TECTA: variants seen among roughly 807,000 people sequenced by gnomAD.
The protein encoded by TECTA is alpha-tectorin.
Under a neutral mutation model 216.8 loss-of-function variants are expected in TECTA, and 128 were observed. The observed-to-expected ratio is 0.59, with a 90% CI of 0.51 to 0.68. The LOEUF is 0.68. Ranked by LOEUF, TECTA falls within the 30% of genes least tolerant of loss-of-function variation. The probability of loss-of-function intolerance (pLI) is 0.00; values close to 1 mark genes in which losing one functional copy is unlikely to be tolerated. For missense variants in TECTA, 2,551 were observed against 2,786.2 expected (o/e 0.92, Z 1.90); for synonymous variants, 1,089 against 1,117.1 (o/e 0.97, Z 0.50).
chr11:121,122,420 G>A (rs1049483314), intron 7 of TECTA, among the ~76,000 whole-genome samples: 2 of 152,118 alleles, frequency 1.3e-5, no homozygotes, highest in South Asian at 2.1e-4. Flanking sequence ...CCAGAACTGT[G>A]AGAAATAAAT....
Position 121,105,870 on chromosome 11 carries a change from A to C in TECTA, c.104A>C (p.Asp35Ala), listed in dbSNP as rs1591434716. 1 of 1,614,218 alleles carries C rather than the reference A, an allele frequency of 6.2e-7. No homozygotes were observed. Residue 35 changes from aspartate to alanine, a missense_variant, in exon 3 of 24, where the codon GAC (aspartate) becomes GCC (alanine). Asp to Ala is a moderately radical substitution (Grantham distance 126). Around this residue, in one of 3 missense-constraint regions of TECTA, gnomAD observed 2,375 missense variants for 2,563.9 expected, o/e 0.93. Coordinates refer to ENST00000392793, the MANE Select transcript of TECTA (RefSeq NM_005422.4). The surrounding 1 kb of genome is among the most constrained non-coding windows in gnomAD (Gnocchi z 5.3). ...RELMYPFWQN[D>A]TKTPKVDDGS... is the part of the protein sequence containing the mutation. Reference sequence around the variant, plus strand: ...CTCATGTATCCATTTTGGCAGAATGACACCAAAACCCCTAAAGTAGATGAT... The same window carrying C: ...CTCATGTATCCATTTTGGCAGAATGCCACCAAAACCCCTAAAGTAGATGAT...
Position 121,181,514 on chromosome 11 carries a change from T to A in TECTA, c.6000-6318T>A, listed in dbSNP as rs540034247. ...AATGGAGTTTTGCTCTTGTTGCCCA[T>A]GCTGGAGTGCAATGGCGCAATCTCA... is the stretch of plus-strand genomic sequence containing the variant. On this transcript the variant is annotated intron_variant, in intron 20 of 23. Coordinates refer to ENST00000392793, the MANE Select transcript of TECTA (RefSeq NM_005422.4). Among the ~76,000 whole-genome samples, 19 of 151,906 alleles carry A rather than the reference T, an allele frequency of 1.3e-4. No individual in the cohort carries two copies. The East Asian group carries it at 3.7e-3, about 29-fold the overall frequency.
rs778157765 is a variant in TECTA at position 121,102,627 on chromosome 11, C to T, written c.-1-38C>T. 2.1e-5 allele frequency: 32 copies of T among 1,552,876 alleles called. No homozygotes were observed. The African/African-American group carries it at 4.2e-4, about 20-fold the overall frequency. ...CTGGTGTTCTGTTTACTCTGGCAAG[C>T]TGGGGATTTTTTTTTCATTTTCTTT... is the stretch of plus-strand genomic sequence containing the variant. On this transcript the variant is annotated intron_variant, in intron 1 of 23. Coordinates refer to ENST00000392793, the MANE Select transcript of TECTA (RefSeq NM_005422.4).
intron 9 of TECTA, among the ~76,000 whole-genome samples, chr11:121,129,235 G>T (rs1331677332): frequency 6.6e-6 from 1 of 152,212 alleles, no homozygotes; most frequent in Non-Finnish European, 1.5e-5. Flanking sequence ...TGCCCTCGAG[G>T]AGCTGGGACA....
intron 4 of TECTA, among the ~76,000 whole-genome samples, chr11:121,112,488 C>CA (rs1271142362): frequency 6.6e-6 from 1 of 152,244 alleles, no homozygotes; most frequent in Non-Finnish European, 1.5e-5. Context: ...AAGTGATGCA[C>CA]AAATGCTCAA....
chr11:121,165,325 C>G lies in TECTA; in HGVS notation c.5325C>G (p.Cys1775Trp). ...CVGADCPNRTCELGNGRELCG... is the reference protein window; with the variant it reads ...CVGADCPNRTWELGNGRELCG... ...GGGCGGACTGTCCCAACCGAACTTG[C>G]GAGCTGGGCAATGGCAGGGAGCTGT... The change falls in exon 17 of 24, where the codon TGC becomes TGG. Residue 1775 changes from cysteine (C) to tryptophan (W), a missense_variant. Cys to Trp is a radical substitution (Grantham distance 215). Around this residue, in one of 3 missense-constraint regions of TECTA, gnomAD observed 2,375 missense variants for 2,563.9 expected, o/e 0.93. Transcript: ENST00000392793. 1.2e-6 allele frequency: 2 copies of G among 1,608,568 alleles called. No individual in the cohort carries two copies. The highest frequency in any genetic ancestry group is 3.4e-5 in the Admixed American group (2 of 59,412).
chr11:121,154,635 G>A (rs1946923984), intron 13 of TECTA, among the ~76,000 whole-genome samples: 1 of 152,202 alleles, frequency 6.6e-6, no homozygotes, highest in Non-Finnish European at 1.5e-5. Flanking sequence ...ATAATTCAAT[G>A]AAACCTGGGT....
At position 121,113,341 on chromosome 11, in the gene TECTA, T is replaced by C; in HGVS notation, c.624+132T>C. 1.3e-6 allele frequency: 2 copies of C among 1,537,616 alleles called. No individual in the cohort carries two copies. Among genetic ancestry groups the C allele is most frequent in the Non-Finnish European group, 1.8e-6 (2 of 1,124,316 alleles). On this transcript the variant is annotated intron_variant, in intron 5 of 23. Transcript: ENST00000392793. This position sits in a 1 kb window ranked among gnomAD's most constrained non-coding sequence, Gnocchi z 4.2. ...CGCAGGTCTGATCTCGCAGGTGGAC[T>C]ACGAGGCTAGTCCTGCCCATGTTTG... is the stretch of plus-strand genomic sequence containing the variant.
At position 121,160,297 on chromosome 11, in the gene TECTA, G is replaced by A; in HGVS notation, c.4852G>A (p.Val1618Met). ...CATCAGCGAGAGGCTGCAGAACAAA[G>A]TGTGCGGTCTCTGTGGCAACTTCAA... ...ISISERLQNK[V>M]CGLCGNFNGD... The change falls in exon 15 of 24, where the codon GTG becomes ATG. Residue 1618 changes from valine (V) to methionine (M), a missense_variant. By Grantham distance (21) the Val-to-Met change is conservative. Transcript: ENST00000392793. 5 of 1,614,238 alleles carry A rather than the reference G, an allele frequency of 3.1e-6. 1 individual carries two copies. The Middle Eastern group carries it at 8.2e-4, about 266-fold the overall frequency.
chr11:121,160,065 G>T, intron 14 of TECTA, 70 bp from the exon 15 acceptor site: 1 of 1,601,812 alleles, frequency 6.2e-7, no homozygotes, highest in Non-Finnish European at 8.5e-7. Flanking sequence ...ATTTTCCCTG[G>T]CCCTTTCCTG....
chr11:121,115,113 C>G (rs1946488804), intron 6 of TECTA, among the ~76,000 whole-genome samples: 1 of 140,576 alleles, frequency 7.1e-6, no homozygotes, highest in Non-Finnish European at 1.5e-5. Flanking sequence ...ACCCATTCAC[C>G]CACTCATCCA....
At chr11:121,163,870 G>A (rs1947025967) in intron 16 of TECTA, among the ~76,000 whole-genome samples, 1 of 152,170 alleles carries the variant, frequency 6.6e-6, no homozygotes, top group Admixed American at 6.5e-5. Flanking sequence ...ACTTTCGCTT[G>A]GTGGCTGTTA....
At chr11:121,111,495 A>G (rs1278242059) in intron 4 of TECTA, among the ~76,000 whole-genome samples, 1 of 152,154 alleles carries the variant, frequency 6.6e-6, no homozygotes, top group African/African-American at 2.4e-5. Flanking sequence ...AATGTGTAAG[A>G]GTGAGCTGAG....
At chr11:121,181,814 C>G (rs1338228518) in intron 20 of TECTA, among the ~76,000 whole-genome samples, 1 of 149,574 alleles carries the variant, frequency 6.7e-6, no homozygotes, top group Non-Finnish European at 1.5e-5. Flanking sequence ...TTTTTATATT[C>G]TTATGTCTTT....
At position 121,127,864 on chromosome 11, in the gene TECTA, G is replaced by A; in HGVS notation, c.1887G>A (p.Glu629=). 2.5e-6 allele frequency: 4 copies of A among 1,614,036 alleles called. No homozygotes were observed. Among genetic ancestry groups the A allele is most frequent in the Non-Finnish European group, 3.4e-6 (4 of 1,180,014 alleles). The change falls in exon 9 of 24, where the codon GAG becomes GAA. Residue 629 remains glutamate, a synonymous_variant. Coordinates refer to ENST00000392793, the MANE Select transcript of TECTA (RefSeq NM_005422.4). The surrounding 1 kb of genome is among the most constrained non-coding windows in gnomAD (Gnocchi z 5.0). ...GGAACTGCGCCACGCCGTGCACAGAGGGCTGCGAGTGCAACCAGGGCTTCG... is the reference window on the plus strand; with the variant it reads ...GGAACTGCGCCACGCCGTGCACAGAAGGCTGCGAGTGCAACCAGGGCTTCG... ...ASRNCATPCT[E]GCECNQGFVL...
chr11:121,161,558 T>TCCCCTCCCCTCCCC (rs1565534097), intron 15 of TECTA, among the ~76,000 whole-genome samples: 1 of 6,848 alleles, frequency 1.5e-4, no homozygotes. Context: ...TTCCCTTCCC[T>TCCCCTCCCCTCCCC]TCCCTTCCCT....
intron 4 of TECTA, 120 bp from the exon 5 acceptor site, chr11:121,112,952 C>T: frequency 7.8e-7 from 1 of 1,279,832 alleles, no homozygotes; most frequent in Non-Finnish European, 1.1e-6. Context: ...GAGGGCCTGG[C>T]TGCAGAGCAG....
intron 20 of TECTA, among the ~76,000 whole-genome samples, chr11:121,174,515 C>T (rs566645540): frequency 6.6e-6 from 1 of 152,304 alleles, no homozygotes; most frequent in South Asian, 2.1e-4. Flanking sequence ...GTATATTGAA[C>T]CAGCCTTGCA....
chr11:121,179,977 T>TG (rs199688676), intron 20 of TECTA, among the ~76,000 whole-genome samples: 175 of 150,182 alleles, frequency 1.2e-3, no homozygotes, highest in Middle Eastern at 7.0e-3. Flanking sequence ...TTTGTTTGTT[T>TG]TTTTTTTTTT....
Sources: gnomAD v4.1 joint callset for allele counts (sites outside exome capture counted in the v4.1 genomes callset) on GRCh38, gnomAD v4.1.1 for gene constraint, gnomAD v4.1.1 regional missense constraint, Gnocchi (gnomAD v3.1) non-coding constraint, MANE v1.5 for transcripts, NCBI Gene and HGNC (gene_info 2026-07-23, HGNC 2026-07-21) for gene names.